Variants in RIPK4 observed in about 807,000 individuals in gnomAD.
The protein encoded by RIPK4 is receptor interacting serine/threonine kinase 4.
In RIPK4, 17 loss-of-function variants were observed where a neutral mutation model predicts 42.9. The observed-to-expected ratio is 0.40, with a 90% CI of 0.27 to 0.59. RIPK4 has a LOEUF of 0.59. RIPK4 is among the 20% of genes least tolerant of loss of function. RIPK4 has a pLI of 0.47. For missense variants in RIPK4, 897 were observed against 1,104.4 expected (o/e 0.81, Z 2.66); for synonymous variants, 498 against 499.1 (o/e 1.00, Z 0.03).
At chr21:41,746,932 G>A (rs2061173816) in intron 4 of RIPK4, 161 bp from the exon 5 acceptor site, 2 of 744,234 alleles carry the variant, frequency 2.7e-6, no homozygotes, top group African/African-American at 1.8e-5. Context: ...AGAGCTTCCT[G>A]TAACCCTCAC....
chr21:41,759,193 G>A lies in RIPK4; in HGVS notation c.183-2377C>T, dbSNP rs372608065. On this transcript the variant is annotated intron_variant, in intron 1 of 7. Coordinates refer to ENST00000332512, the MANE Select transcript of RIPK4 (RefSeq NM_020639.3). ...AGCTCACTGCAACCTCTACCTCCCA[G>A]GTTCAAGTGAGTCTCATGCCTCAGC... 1.2e-4 allele frequency among the ~76,000 whole-genome samples: 19 copies of A among 152,250 alleles called. No homozygotes were observed. In the South Asian group the frequency reaches 2.7e-3, roughly 22 times the overall value.
At chr21:41,753,098 C>T (rs1443287186) in intron 2 of RIPK4, among the ~76,000 whole-genome samples, 4 of 152,194 alleles carry the variant, frequency 2.6e-5, no homozygotes, top group Admixed American at 6.5e-5. Flanking sequence ...CTCCCTCCCA[C>T]GGTTAGTTAA....
chr21:41,758,229 C>G (rs955406174), intron 1 of RIPK4, among the ~76,000 whole-genome samples: 3 of 151,848 alleles, frequency 2.0e-5, no homozygotes, highest in Non-Finnish European at 4.4e-5. Flanking sequence ...AAATTCTGCA[C>G]CCATTAACCA....
At chr21:41,749,005 T>G in intron 4 of RIPK4, 149 bp downstream of exon 4, 3 of 794,562 alleles carry the variant, frequency 3.8e-6, no homozygotes, top group Non-Finnish European at 6.3e-6. Flanking sequence ...GATCTGTGTC[T>G]TTTCCTGCAT....
At position 41,751,045 on chromosome 21, in the gene RIPK4, A is replaced by G; in HGVS notation, c.623+52T>C. ...CTGCAGCTCAGGGCATGAAGCATTG[A>G]GGTTGAGAGCCCCTGGCACCCACAG... On this transcript the variant is annotated intron_variant, in intron 3 of 7. Transcript: ENST00000332512. The surrounding 1 kb of genome is among the most constrained non-coding windows in gnomAD (Gnocchi z 4.5). 2 of 1,583,922 alleles carry G rather than the reference A, an allele frequency of 1.3e-6. No individual in the cohort carries two copies. The highest frequency in any genetic ancestry group is 1.7e-6 in the Non-Finnish European group (2 of 1,163,682).
In RIPK4 at chr21:41,741,110, C is replaced by T. The variant is rs377386951; in HGVS notation, c.2083G>A (p.Asp695Asn). Residue 695 changes from aspartate to asparagine, a missense_variant, in exon 8 of 8, where the codon GAT (aspartate) becomes AAT (asparagine). Coordinates refer to ENST00000332512, the MANE Select transcript of RIPK4 (RefSeq NM_020639.3). ...TVKLLVEEKA[D>N]VLARGPLNQT... ...TTCAGGGGTCCCCGGGCCAGCACAT[C>T]GGCCTTCTCCTCGACAAGCAGCTTG... The T allele has an allele frequency of 2.5e-5, 40 of 1,612,438 alleles. No individual in the cohort carries two copies. Among genetic ancestry groups the T allele is most frequent in the Middle Eastern group, 1.6e-4 (1 of 6,080 alleles).
At chr21:41,745,159 G>A (rs558353860) in intron 6 of RIPK4, among the ~76,000 whole-genome samples, 11 of 152,244 alleles carry the variant, frequency 7.2e-5, no homozygotes, top group African/African-American at 2.4e-4. Context: ...GGCAGTGGGC[G>A]CATATTCCTG....
intron 6 of RIPK4, among the ~76,000 whole-genome samples, chr21:41,744,699 G>A (rs9978542): frequency 0.21 from 32,352 of 152,138 alleles, 3,805 homozygotes; most frequent in East Asian, 0.32. Context: ...GGCAGGAAAC[G>A]AGAGGACAGA....
rs1056888469 is a variant in RIPK4 at position 41,750,970 on chromosome 21, G to A, written c.623+127C>T. 4 of 1,224,888 alleles carry A rather than the reference G, an allele frequency of 3.3e-6. No homozygotes were observed. In the South Asian group the frequency reaches 4.5e-5, roughly 14 times the overall value. 75.9% of individuals were successfully genotyped at this position (1,224,888 alleles called of 1,614,324 possible). A position where few individuals can be genotyped will look rare whatever the true frequency, so the allele number is the denominator to read the frequency against. The stretch of plus-strand genomic sequence containing the variant: ...TGGGATTACAGGCGTGAGTCACCGC[G>A]CCTGGCCCGAGCCCCATTTCTGACT... On this transcript the variant is annotated intron_variant, in intron 3 of 7. Transcript: ENST00000332512.
At chr21:41,746,944 C>T in intron 4 of RIPK4, 173 bp from the exon 5 acceptor site, 1 of 673,548 alleles carries the variant, frequency 1.5e-6, no homozygotes, top group Non-Finnish European at 2.4e-6. Flanking sequence ...AACCCTCACC[C>T]TCATGGTGCG....
chr21:41,762,270 AG>A (rs1470475533), intron 1 of RIPK4, among the ~76,000 whole-genome samples: 1 of 152,194 alleles, frequency 6.6e-6, no homozygotes, highest in Admixed American at 6.5e-5. Context: ...ATTCCAGCTG[AG>A]GAAGGGGGTC....
intron 7 of RIPK4, among the ~76,000 whole-genome samples, chr21:41,743,424 C>T (rs1022282986): frequency 6.6e-6 from 1 of 152,270 alleles, no homozygotes; most frequent in Non-Finnish European, 1.5e-5. Context: ...CCAAGGATAA[C>T]CAACACATTA....
chr21:41,755,057 A>G lies in RIPK4; in HGVS notation c.474+1468T>C, dbSNP rs79832759. On this transcript the variant is annotated intron_variant, in intron 2 of 7. Transcript: ENST00000332512. This position sits in a 1 kb window ranked among gnomAD's most constrained non-coding sequence, Gnocchi z 4.2. ...CGTTGGACGGCAGAGCTTACTAGTC[A>G]TTAGGGCCCCAGAGCCTGTGCTACC... Among the ~76,000 whole-genome samples the G allele has an allele frequency of 3.3e-3, 496 of 152,220 alleles. 7 individuals carry two copies. Among genetic ancestry groups the G allele is most frequent in the African/African-American group, 0.011 (471 of 41,534 alleles).
At position 41,759,736 on chromosome 21, in the gene RIPK4, G is replaced by A. The variant is rs533844947; in HGVS notation, c.183-2920C>T. Among the ~76,000 whole-genome samples the A allele has an allele frequency of 3.9e-5, 6 of 152,306 alleles. No homozygotes were observed. In the East Asian group the frequency reaches 7.7e-4, roughly 20 times the overall value. On this transcript the variant is annotated intron_variant, in intron 1 of 7. Coordinates refer to ENST00000332512, the MANE Select transcript of RIPK4 (RefSeq NM_020639.3). Reference sequence around the variant, plus strand: ...GAATCCAAAACAGTGCCAACAGAACGCATCCATTTCTTAATGATCTGACCG... The same window carrying A: ...GAATCCAAAACAGTGCCAACAGAACACATCCATTTCTTAATGATCTGACCG...
chr21:41,765,545 A>C (rs2061233436), intron 1 of RIPK4, among the ~76,000 whole-genome samples: 1 of 152,096 alleles, frequency 6.6e-6, no homozygotes, highest in Non-Finnish European at 1.5e-5. Flanking sequence ...CAGGCCTCTC[A>C]TCCACAGAGG....
rs553845132 is a variant in RIPK4 at position 41,749,905 on chromosome 21, A to G, written c.624-702T>C. Among the ~76,000 whole-genome samples the G allele has an allele frequency of 3.9e-3, 595 of 151,624 alleles. 3 individuals carry two copies. Among genetic ancestry groups the G allele is most frequent in the Middle Eastern group, 0.034 (10 of 294 alleles). ...CAAATTGATTAAAAAAAAAAAAAAA[A>G]AAAAGAAAAGAAAAACAGAAGTCCG... is the stretch of plus-strand genomic sequence containing the variant. On this transcript the variant is annotated intron_variant, in intron 3 of 7. Transcript: ENST00000332512.
rs2061188906 is a variant in RIPK4 at position 41,751,700 on chromosome 21, TG to T, written c.475-456del. Among the ~76,000 whole-genome samples the T allele has an allele frequency of 6.6e-6, 1 of 152,214 alleles. No homozygotes were observed. The highest frequency in any genetic ancestry group is 2.4e-5 in the African/African-American group (1 of 41,470). On this transcript the variant is annotated intron_variant, in intron 2 of 7. Coordinates refer to ENST00000332512, the MANE Select transcript of RIPK4 (RefSeq NM_020639.3). The surrounding 1 kb of genome is among the most constrained non-coding windows in gnomAD (Gnocchi z 4.5). ...GGAGCAGGTTATGCAACCTGCCAGC[TG>T]GGGAGGCTGGCGGGCAAGTGGCTGC...
At chr21:41,766,728 A>C in intron 1 of RIPK4, 132 bp downstream of exon 1, 1 of 945,942 alleles carries the variant, frequency 1.1e-6, no homozygotes, top group Non-Finnish European at 1.5e-6. Flanking sequence ...CCTCGCCGGC[A>C]ATTGGTTTCC....
chr21:41,765,126 C>A (rs2061232205), intron 1 of RIPK4, among the ~76,000 whole-genome samples: 1 of 152,166 alleles, frequency 6.6e-6, no homozygotes, highest in Non-Finnish European at 1.5e-5. Context: ...GTGAGTCAGT[C>A]CAGGTAGGTG....
Sources: allele counts gnomAD v4.1 joint callset (sites outside exome capture counted in the v4.1 genomes callset), GRCh38; gene constraint gnomAD v4.1.1; non-coding constraint Gnocchi (gnomAD v3.1); transcripts MANE v1.5; gene names NCBI Gene and HGNC (gene_info 2026-07-23, HGNC 2026-07-21).